Variants in NRP1 observed in about 807,000 individuals in gnomAD.
NRP1 encodes the protein neuropilin-1.
NRP1 carries 35 observed loss-of-function variants against 106.7 expected under a neutral mutation model. That is an observed-to-expected ratio of 0.33 (90% CI 0.25 to 0.43). The LOEUF (loss-of-function observed/expected upper bound fraction) is 0.43. Ranked by LOEUF, NRP1 falls within the 20% of genes least tolerant of loss-of-function variation. The pLI is 1.00. For synonymous variants in NRP1, 437 were observed against 417.9 expected, an observed-to-expected ratio of 1.05 and a Z score of -0.56; for missense variants, 1,024 against 1,170.4, an observed-to-expected ratio of 0.87 and a Z score of 1.83.
At chr10:33,299,416 G>GTAACGCAAAGCAAGC (rs1845643225) in intron 2 of NRP1, among the ~76,000 whole-genome samples, 1 of 152,112 alleles carries the variant, frequency 6.6e-6, no homozygotes, top group African/African-American at 2.4e-5. Context: ...ATCCTTGCCT[G>GTAACGCAAAGCAAGC]ACAACCATCC....
At chr10:33,308,401 T>C (rs1846324117) in intron 2 of NRP1, among the ~76,000 whole-genome samples, 1 of 149,992 alleles carries the variant, frequency 6.7e-6, no homozygotes, top group African/African-American at 2.4e-5. Context: ...ATGTATATAA[T>C]ATATATATTT....
At chr10:33,327,891 C>T (rs1253854581) in intron 2 of NRP1, among the ~76,000 whole-genome samples, 2 of 152,194 alleles carry the variant, frequency 1.3e-5, no homozygotes, top group East Asian at 3.9e-4. Flanking sequence ...TGATAAAAAG[C>T]TCACAATGCA....
chr10:33,333,043 A>G (rs530974081), intron 1 of NRP1, among the ~76,000 whole-genome samples: 1 of 152,322 alleles, frequency 6.6e-6, no homozygotes, highest in Non-Finnish European at 1.5e-5. Flanking sequence ...TAGTCCAACC[A>G]TTTGAGCTCT....
chr10:33,264,380 A>G (rs1449351081), intron 3 of NRP1, among the ~76,000 whole-genome samples: 1 of 152,216 alleles, frequency 6.6e-6, no homozygotes, highest in African/African-American at 2.4e-5. Context: ...GACAAACGAA[A>G]TGTGAAAGGT....
chr10:33,306,355 GGTGTGTGTGTGTGTGTGT>G (rs61242197), intron 2 of NRP1, among the ~76,000 whole-genome samples: 1 of 148,026 alleles, frequency 6.8e-6, no homozygotes, highest in Non-Finnish European at 1.5e-5. Flanking sequence ...GGGTCAGAAG[GGTGTGTGTGTGTGTGTGT>G]GTGTGTGTGT....
intron 8 of NRP1, among the ~76,000 whole-genome samples, chr10:33,219,468 T>TA (rs1281966014): frequency 1.3e-5 from 2 of 152,198 alleles, no homozygotes; most frequent in Non-Finnish European, 2.9e-5. Context: ...TTTAAAAGTA[T>TA]AGTGGAGACC....
chr10:33,184,326 C>G (rs982607719), intron 15 of NRP1, among the ~76,000 whole-genome samples: 1 of 152,164 alleles, frequency 6.6e-6, no homozygotes, highest in African/African-American at 2.4e-5. Context: ...CAGCCATGTA[C>G]TTTCACTGGA....
At chr10:33,295,352 G>A (rs182006636) in intron 2 of NRP1, among the ~76,000 whole-genome samples, 1 of 152,326 alleles carries the variant, frequency 6.6e-6, no homozygotes, top group African/African-American at 2.4e-5. Flanking sequence ...CAATTGATAA[G>A]CAACAGTTCA....
chr10:33,328,976 T>A (rs1184784229), intron 2 of NRP1, among the ~76,000 whole-genome samples: 1 of 152,214 alleles, frequency 6.6e-6, no homozygotes, highest in African/African-American at 2.4e-5. Flanking sequence ...TACTTGAGTA[T>A]GTTTTACCAG....
intron 2 of NRP1, among the ~76,000 whole-genome samples, chr10:33,276,081 G>A (rs1843672112): frequency 6.6e-6 from 1 of 152,146 alleles, no homozygotes; most frequent in African/African-American, 2.4e-5. Flanking sequence ...ACTAGGCCAA[G>A]CCATTAATTG....
At position 33,240,389 on chromosome 10, in the gene NRP1, C is replaced by T. The variant is rs79407883; in HGVS notation, c.981+13639G>A. Among the ~76,000 whole-genome samples, 992 of 152,324 alleles carry T rather than the reference C, an allele frequency of 6.5e-3. 5 individuals carry two copies. The highest frequency in any genetic ancestry group is 0.031 in the Middle Eastern group (9 of 294). On this transcript the variant is annotated intron_variant, in intron 6 of 16. Transcript: ENST00000374867. Reference sequence around the variant, plus strand: ...CTAAGTGGCTCAAGATAAACACACACTTTTACTCAAACAGCATCTGTCTAT... The same window carrying T: ...CTAAGTGGCTCAAGATAAACACACATTTTTACTCAAACAGCATCTGTCTAT...
chr10:33,321,650 C>T (rs1847521311), intron 2 of NRP1, among the ~76,000 whole-genome samples: 1 of 152,146 alleles, frequency 6.6e-6, no homozygotes, highest in Admixed American at 6.5e-5. Context: ...CTTTCCATGC[C>T]ACTTCCTGGG....
intron 2 of NRP1, among the ~76,000 whole-genome samples, chr10:33,274,060 CT>C (rs1337624419): frequency 2.0e-5 from 3 of 151,766 alleles, no homozygotes; most frequent in Non-Finnish European, 2.9e-5. Context: ...AATTTTCTAC[CT>C]TAAACCTTCC....
chr10:33,319,723 A>G lies in NRP1; in HGVS notation c.248+10985T>C, dbSNP rs977514443. ...TGGCTCAGCCTCCCAAGTAGCTGGG[A>G]CTACAGGTGCCAGCCACCATGCCTG... On this transcript the variant is annotated intron_variant, in intron 2 of 16. Transcript: ENST00000374867. Among the ~76,000 whole-genome samples, 11 of 150,632 alleles carry G rather than the reference A, an allele frequency of 7.3e-5. No homozygotes were observed. The South Asian group carries it at 8.4e-4, about 12-fold the overall frequency.
intron 8 of NRP1, among the ~76,000 whole-genome samples, chr10:33,216,449 C>CT (rs1213835317): frequency 6.7e-6 from 1 of 149,604 alleles, no homozygotes; most frequent in Middle Eastern, 3.6e-3. Flanking sequence ...ACACCCCGGC[C>CT]TTTTTTTTAA....
chr10:33,266,277 T>C (rs1169130038), intron 3 of NRP1, among the ~76,000 whole-genome samples: 1 of 152,204 alleles, frequency 6.6e-6, no homozygotes, highest in Non-Finnish European at 1.5e-5. Context: ...TTCTTGTGTA[T>C]TTCGACAAAA....
chr10:33,246,082 A>G lies in NRP1; in HGVS notation c.981+7946T>C, dbSNP rs546991185. Among the ~76,000 whole-genome samples the G allele has an allele frequency of 6.6e-5, 10 of 151,912 alleles. No homozygotes were observed. The East Asian group carries it at 1.5e-3, about 23-fold the overall frequency. ...TGCACTGATTTTTTAAGCTGAATTA[A>G]TTAGTCAACTTGACCAAAATGGTCA... On this transcript the variant is annotated intron_variant, in intron 6 of 16. Coordinates refer to ENST00000374867, the MANE Select transcript of NRP1 (RefSeq NM_003873.7).
At chr10:33,276,706 A>C in intron 2 of NRP1, among the ~76,000 whole-genome samples, 1 of 152,154 alleles carries the variant, frequency 6.6e-6, no homozygotes, top group East Asian at 1.9e-4. Context: ...CTTTAGGATT[A>C]GCCATTAACT....
intron 8 of NRP1, among the ~76,000 whole-genome samples, chr10:33,215,579 G>A (rs1468068357): frequency 6.6e-6 from 1 of 152,154 alleles, no homozygotes; most frequent in East Asian, 1.9e-4. Flanking sequence ...AAGAACATGT[G>A]CAAGAATGAT....
Sources: gnomAD v4.1 joint callset for allele counts (sites outside exome capture counted in the v4.1 genomes callset) on GRCh38, gnomAD v4.1.1 for gene constraint, MANE v1.5 for transcripts, NCBI Gene and HGNC (gene_info 2026-07-23, HGNC 2026-07-21) for gene names.